Variants in PALLD observed in about 807,000 individuals in gnomAD.
The protein encoded by PALLD is palladin, cytoskeletal associated protein.
Under a neutral mutation model 123.5 loss-of-function variants are expected in PALLD, and 61 were observed. The observed-to-expected ratio is 0.49, with a 90% CI of 0.40 to 0.61. PALLD has a LOEUF of 0.61. Ranked by LOEUF, PALLD falls within the 20% of genes least tolerant of loss-of-function variation. The pLI, the probability that PALLD is intolerant of heterozygous loss-of-function variation, is 0.00. For synonymous variants in PALLD, 465 were observed against 496.4 expected (o/e 0.94, Z 0.84); for missense variants, 1,273 against 1,377.0 (o/e 0.92, Z 1.20).
chr4:168,534,638 T>C (rs1764922472), intron 2 of PALLD, among the ~76,000 whole-genome samples: 1 of 152,168 alleles, frequency 6.6e-6, no homozygotes, highest in Non-Finnish European at 1.5e-5. Flanking sequence ...ACTGAACACA[T>C]TTTCTCTTCT....
chr4:168,690,196 G>A (rs970361434), intron 6 of PALLD, among the ~76,000 whole-genome samples: 6 of 152,160 alleles, frequency 3.9e-5, no homozygotes, highest in African/African-American at 1.4e-4. Flanking sequence ...CTTCTTGTCT[G>A]GTTTTCATAA....
At chr4:168,807,509 G>T (rs749928744) in intron 10 of PALLD, among the ~76,000 whole-genome samples, 78 of 151,716 alleles carry the variant, frequency 5.1e-4, no homozygotes, top group Non-Finnish European at 1.0e-3. Context: ...TCGTGGGTTC[G>T]TGCGATTCTA....
intron 1 of PALLD, among the ~76,000 whole-genome samples, chr4:168,497,862 C>T (rs1049483057): frequency 6.6e-6 from 1 of 152,168 alleles, no homozygotes; most frequent in African/African-American, 2.4e-5. Flanking sequence ...TTAAGTTGCA[C>T]ATGAAATTGT....
intron 10 of PALLD, among the ~76,000 whole-genome samples, chr4:168,765,408 A>G (rs887410129): frequency 3.9e-5 from 6 of 152,142 alleles, no homozygotes; most frequent in African/African-American, 1.4e-4. Context: ...ACACAAGGGT[A>G]GGAATGTACT....
At chr4:168,750,984 A>ATGTG (rs56827421) in intron 10 of PALLD, among the ~76,000 whole-genome samples, 3,961 of 148,490 alleles carry the variant, frequency 0.027, 72 homozygotes, top group Non-Finnish European at 0.042. Flanking sequence ...TATTTTATAT[A>ATGTG]TGTGTGTGTG....
chr4:168,850,588 G>A (rs983290181), intron 10 of PALLD, among the ~76,000 whole-genome samples: 4 of 128,398 alleles, frequency 3.1e-5, no homozygotes, highest in Non-Finnish European at 4.6e-5. Context: ...AGGCTGGAGT[G>A]CAATGGTGCG....
At chr4:168,696,688 A>G (rs557065706) in intron 8 of PALLD, among the ~76,000 whole-genome samples, 26 of 112,482 alleles carry the variant, frequency 2.3e-4, no homozygotes, top group South Asian at 1.2e-3. Flanking sequence ...GAAAAGCTAG[A>G]AAAAAAAAAG....
rs1758556481 is a variant in PALLD at position 168,909,885 on chromosome 4, A to T, written c.2623-4042A>T. On this transcript the variant is annotated intron_variant, in intron 15 of 21. Coordinates refer to ENST00000505667, the MANE Select transcript of PALLD (RefSeq NM_001166108.2). Reference sequence around the variant, plus strand: ...CTGGGGGTTTTTTCCCCCAAACAAAAATGACAAAATTATACAACTTCTTAG... The same window carrying T: ...CTGGGGGTTTTTTCCCCCAAACAAATATGACAAAATTATACAACTTCTTAG... Among the ~76,000 whole-genome samples the T allele has an allele frequency of 2.6e-5, 4 of 152,158 alleles. No homozygotes were observed. In the South Asian group the frequency reaches 8.3e-4, roughly 32 times the overall value.
chr4:168,785,509 A>G (rs62334297), intron 10 of PALLD, among the ~76,000 whole-genome samples: 22,434 of 152,178 alleles, frequency 0.15, 2,044 homozygotes, highest in Non-Finnish European at 0.21. Flanking sequence ...TCGGAACTAT[A>G]GTGAAACATT....
intron 2 of PALLD, among the ~76,000 whole-genome samples, chr4:168,662,300 C>G (rs993698717): frequency 6.6e-6 from 1 of 152,204 alleles, no homozygotes; most frequent in Non-Finnish European, 1.5e-5. Context: ...CTCTCTCAAT[C>G]AAAACCCCTC....
At chr4:168,899,062 C>A (rs1196998863) in intron 14 of PALLD, among the ~76,000 whole-genome samples, 2 of 152,116 alleles carry the variant, frequency 1.3e-5, no homozygotes, top group Admixed American at 6.5e-5. Context: ...AGTGGCCAGG[C>A]CTGCATATGA....
At chr4:168,561,188 T>C (rs970397165) in intron 2 of PALLD, among the ~76,000 whole-genome samples, 1 of 152,048 alleles carries the variant, frequency 6.6e-6, no homozygotes, top group Non-Finnish European at 1.5e-5. Flanking sequence ...CAAGACCCCT[T>C]CCTTTCCCAA....
intron 10 of PALLD, among the ~76,000 whole-genome samples, chr4:168,880,601 A>G (rs1752476165): frequency 6.6e-6 from 1 of 152,236 alleles, no homozygotes; most frequent in Non-Finnish European, 1.5e-5. Flanking sequence ...AAAAACAAAA[A>G]TGTTACTATT....
intron 10 of PALLD, among the ~76,000 whole-genome samples, chr4:168,880,326 G>A (rs1041862625): frequency 3.9e-5 from 6 of 152,266 alleles, no homozygotes; most frequent in Admixed American, 2.0e-4. Context: ...TGGAGAAGTC[G>A]TGCCGATTTT....
At chr4:168,890,189 C>A (rs543969931) in intron 10 of PALLD, among the ~76,000 whole-genome samples, 1 of 152,280 alleles carries the variant, frequency 6.6e-6, no homozygotes, top group East Asian at 1.9e-4. Flanking sequence ...GCTCACACAG[C>A]TCAGGTCATT....
chr4:168,749,819 T>G (rs565977971), intron 10 of PALLD, among the ~76,000 whole-genome samples: 4 of 152,288 alleles, frequency 2.6e-5, no homozygotes, highest in African/African-American at 9.6e-5. Context: ...AATGATTCTG[T>G]CACCCAGGTA....
At chr4:168,740,326 C>T (rs1788202841) in intron 10 of PALLD, among the ~76,000 whole-genome samples, 1 of 152,214 alleles carries the variant, frequency 6.6e-6, no homozygotes, top group South Asian at 2.1e-4. Flanking sequence ...CTTACTTCTT[C>T]TCTTCAGTGT....
intron 10 of PALLD, among the ~76,000 whole-genome samples, chr4:168,741,446 G>A (rs528898155): frequency 6.6e-6 from 1 of 152,186 alleles, no homozygotes; most frequent in South Asian, 2.1e-4. Flanking sequence ...GGAGGCAGAG[G>A]TAGGAGGATT....
intron 3 of PALLD, among the ~76,000 whole-genome samples, chr4:168,677,470 C>T (rs150007335): frequency 3.9e-5 from 6 of 152,232 alleles, no homozygotes; most frequent in South Asian, 4.1e-4. Flanking sequence ...AAAAAAGTAG[C>T]AAGAATGGCT....
Sources: allele counts gnomAD v4.1 joint callset (sites outside exome capture counted in the v4.1 genomes callset), GRCh38; gene constraint gnomAD v4.1.1; transcripts MANE v1.5; gene names NCBI Gene and HGNC (gene_info 2026-07-23, HGNC 2026-07-21).